The following THRB variants were observed in gnomAD, a reference collection of about 807,000 sequenced individuals.
THRB encodes the protein nuclear receptor subfamily 1 group A member 2.
Under a neutral mutation model 47.8 loss-of-function variants are expected in THRB, and 12 were observed. The ratio of observed to expected loss-of-function variants is 0.25; its 90% CI spans 0.16 to 0.41. The LOEUF is 0.41. Among genes scored for constraint, THRB ranks in the 10% least tolerant of loss-of-function variants. The probability of loss-of-function intolerance (pLI) is 1.00; values close to 1 mark genes in which losing one functional copy is unlikely to be tolerated. For missense variants in THRB, 348 were observed against 589.2 expected (o/e 0.59, Z 4.24); for synonymous variants, 218 against 212.2 (o/e 1.03, Z -0.24).
intron 1 of THRB, among the ~76,000 whole-genome samples, chr3:24,362,199 C>T (rs1366293780): frequency 6.6e-6 from 1 of 151,806 alleles, no homozygotes; most frequent in East Asian, 2.0e-4. Context: ...TTACTGAGTG[C>T]CACAGGCGAA....
In THRB at chr3:24,248,373, G is replaced by A. The variant is rs376076034; in HGVS notation, c.-42-19372C>T. ...TTTCTCGAAAAGCCAAGAGATATTT[G>A]GAAATTTAGGACATCAGTAGTTGTT... On this transcript the variant is annotated intron_variant, in intron 3 of 10. Transcript: ENST00000646209. 4.9e-4 allele frequency among the ~76,000 whole-genome samples: 75 copies of A among 152,166 alleles called. 1 individual carries two copies. The East Asian group carries it at 0.014, about 27-fold the overall frequency.
At chr3:24,145,360 G>A (rs997359624) in intron 7 of THRB, among the ~76,000 whole-genome samples, 10 of 151,974 alleles carry the variant, frequency 6.6e-5, no homozygotes, top group Non-Finnish European at 1.0e-4. Flanking sequence ...CAAGTAAAGG[G>A]CACTCAAAAT....
chr3:24,147,852 C>T (rs528344739), intron 6 of THRB, among the ~76,000 whole-genome samples: 3 of 152,134 alleles, frequency 2.0e-5, no homozygotes, highest in Admixed American at 6.5e-5. Flanking sequence ...CAGGTTAAAT[C>T]GCTTGCCCAA....
intron 1 of THRB, among the ~76,000 whole-genome samples, chr3:24,456,075 T>A (rs758114341): frequency 4.6e-5 from 7 of 152,160 alleles, no homozygotes; most frequent in Non-Finnish European, 7.4e-5. Flanking sequence ...ATGCCTATTA[T>A]CCCAGCACTT....
intron 4 of THRB, among the ~76,000 whole-genome samples, chr3:24,204,880 A>C (rs528811294): frequency 1.3e-5 from 2 of 152,370 alleles, no homozygotes; most frequent in East Asian, 3.9e-4. Flanking sequence ...AGCCGATTCG[A>C]TCAACTGGAA....
chr3:24,283,485 T>C (rs1209601251), intron 3 of THRB, among the ~76,000 whole-genome samples: 6 of 151,684 alleles, frequency 4.0e-5, no homozygotes, highest in Admixed American at 2.6e-4. Context: ...TCATACTGAA[T>C]GGGCAAAAAC....
chr3:24,385,464 A>G (rs1372726167), intron 1 of THRB, among the ~76,000 whole-genome samples: 2 of 151,994 alleles, frequency 1.3e-5, no homozygotes. Flanking sequence ...ATGCTGAAGG[A>G]GCAAGGAGCA....
chr3:24,313,726 T>G (rs888274420), intron 2 of THRB, among the ~76,000 whole-genome samples: 1 of 152,206 alleles, frequency 6.6e-6, no homozygotes, highest in Non-Finnish European at 1.5e-5. Context: ...TGAAAACACT[T>G]TGAAATATTT....
intron 1 of THRB, among the ~76,000 whole-genome samples, chr3:24,417,277 AAT>A (rs1560137560): frequency 7.2e-5 from 11 of 151,914 alleles, no homozygotes; most frequent in Non-Finnish European, 1.5e-4. Flanking sequence ...AGAACACGCT[AAT>A]AATGTAAAAT....
chr3:24,139,370 CTT>C (rs1221455727), intron 8 of THRB, among the ~76,000 whole-genome samples: 2 of 140,826 alleles, frequency 1.4e-5, no homozygotes, highest in African/African-American at 2.6e-5. Context: ...TTCTTTCTTT[CTT>C]TCTTTTTCTT....
chr3:24,150,147 G>A (rs1041968983), intron 6 of THRB, among the ~76,000 whole-genome samples: 1 of 152,154 alleles, frequency 6.6e-6, no homozygotes, highest in African/African-American at 2.4e-5. Flanking sequence ...TAAAAACTTG[G>A]ATATCACAAC....
chr3:24,223,108 G>A (rs1189183050), intron 4 of THRB, among the ~76,000 whole-genome samples: 2 of 152,214 alleles, frequency 1.3e-5, no homozygotes, highest in Non-Finnish European at 2.9e-5. Context: ...ATCTACACCT[G>A]TAATCAGTCC....
intron 1 of THRB, among the ~76,000 whole-genome samples, chr3:24,423,810 G>C (rs2069500326): frequency 6.6e-6 from 1 of 151,698 alleles, no homozygotes; most frequent in Non-Finnish European, 1.5e-5. Flanking sequence ...TGAATACCAA[G>C]GTATATATGA....
At chr3:24,487,521 A>G (rs1697489733) in intron 1 of THRB, among the ~76,000 whole-genome samples, 2 of 152,220 alleles carry the variant, frequency 1.3e-5, no homozygotes. Flanking sequence ...AGTAAAATAA[A>G]CAAATACAGC....
At chr3:24,140,610 G>C (rs1460420613) in intron 8 of THRB, among the ~76,000 whole-genome samples, 2 of 152,070 alleles carry the variant, frequency 1.3e-5, no homozygotes, top group African/African-American at 2.4e-5. Flanking sequence ...ACTGCTATGA[G>C]AGACCAGGTG....
chr3:24,207,193 A>G (rs2045475359), intron 4 of THRB, among the ~76,000 whole-genome samples: 1 of 152,200 alleles, frequency 6.6e-6, no homozygotes. Context: ...ACACAACAAA[A>G]AAAGAGAATT....
intron 2 of THRB, among the ~76,000 whole-genome samples, chr3:24,334,553 AC>A (rs1246338708): frequency 6.6e-6 from 1 of 152,230 alleles, no homozygotes; most frequent in Non-Finnish European, 1.5e-5. Flanking sequence ...ATGGGGCCTC[AC>A]TATGGCATCT....
chr3:24,445,233 G>A lies in THRB; in HGVS notation c.-261+49419C>T, dbSNP rs949846014. Reference sequence around the variant, plus strand: ...TGTATGTTGCTATCTCATACTATATGTTAAAATAAAGACAGATAAATGTTA... The same window carrying A: ...TGTATGTTGCTATCTCATACTATATATTAAAATAAAGACAGATAAATGTTA... On this transcript the variant is annotated intron_variant, in intron 1 of 10. Transcript: ENST00000646209. Among the ~76,000 whole-genome samples the A allele has an allele frequency of 4.6e-5, 7 of 151,814 alleles. No individual in the cohort carries two copies. The South Asian group carries it at 1.2e-3, about 27-fold the overall frequency.
Position 24,158,628 on chromosome 3 carries a change from T to C in THRB, c.284-6138A>G, listed in dbSNP as rs146746871. Among the ~76,000 whole-genome samples, 1,096 of 152,176 alleles carry C rather than the reference T, an allele frequency of 7.2e-3. 13 individuals carry two copies. Among genetic ancestry groups the C allele is most frequent in the African/African-American group, 0.025 (1,035 of 41,532 alleles). ...TATTTTTAGTAGAGACGGGGTTTTG[T>C]CATGTTGGCCAGGCTGGTCTCGAAA... On this transcript the variant is annotated intron_variant, in intron 5 of 10. Transcript: ENST00000646209.
Sources: allele counts gnomAD v4.1 joint callset (sites outside exome capture counted in the v4.1 genomes callset), GRCh38; gene constraint gnomAD v4.1.1; transcripts MANE v1.5; gene names NCBI Gene and HGNC (gene_info 2026-07-23, HGNC 2026-07-21).